ELAVL4: variants seen among roughly 807,000 people sequenced by gnomAD.
ELAVL4 encodes the protein ELAV-like protein 4.
A neutral mutation model predicts 35.6 loss-of-function variants in ELAVL4; 1 was observed. That is an observed-to-expected ratio of 0.03 (90% CI 0.01 to 0.13). ELAVL4 has a LOEUF of 0.13. ELAVL4 is among the 10% of genes least tolerant of loss of function. The pLI, the probability that ELAVL4 is intolerant of heterozygous loss-of-function variation, is 1.00. For missense variants in ELAVL4, 267 were observed against 464.9 expected, an observed-to-expected ratio of 0.57 and a Z score of 3.91; for synonymous variants, 156 against 171.0, an observed-to-expected ratio of 0.91 and a Z score of 0.69.
chr1:50,099,229 C>T (rs1665849223), upstream of ELAVL4, among the ~76,000 whole-genome samples: 1 of 152,104 alleles, frequency 6.6e-6, no homozygotes, highest in South Asian at 2.1e-4. Context: ...AAATAACGTA[C>T]AATTTCTGCC....
intron 1 of ELAVL4, among the ~76,000 whole-genome samples, chr1:50,116,997 T>G (rs1380155724): frequency 6.6e-6 from 1 of 152,160 alleles, no homozygotes; most frequent in Non-Finnish European, 1.5e-5. Context: ...GTTGTCCTCA[T>G]AGTAACCATT....
intron 1 of ELAVL4, among the ~76,000 whole-genome samples, chr1:50,082,452 TG>T (rs1665050275): frequency 6.6e-6 from 1 of 152,252 alleles, no homozygotes; most frequent in African/African-American, 2.4e-5. Context: ...TTCATATGTT[TG>T]TTGGCCACAT....
chr1:50,162,923 A>G (rs952357975), intron 2 of ELAVL4, among the ~76,000 whole-genome samples: 3 of 152,168 alleles, frequency 2.0e-5, no homozygotes, highest in Non-Finnish European at 2.9e-5. Flanking sequence ...CAGAGAGCAG[A>G]CACACTCAAA....
chr1:50,048,110 G>T, exon 1 of ELAVL4: 1 of 1,465,842 alleles, frequency 6.8e-7, no homozygotes. Context: ...CCCGCCCGCC[G>T]CGCTCCGCCC....
intron 2 of ELAVL4, among the ~76,000 whole-genome samples, chr1:50,155,318 C>T (rs1675543414): frequency 6.6e-6 from 1 of 151,908 alleles, no homozygotes. Context: ...CAAGTAGTTA[C>T]CAGAATCCCC....
rs60522222 is a variant in ELAVL4, at chr1:50,094,742, CAATAAATAAATA to C, written c.18+46588_18+46599del. Among the ~76,000 whole-genome samples the C allele has an allele frequency of 1.2e-3, 159 of 135,588 alleles. No individual in the cohort carries two copies. In the South Asian group the frequency reaches 0.013, roughly 11 times the overall value. The allele number at this position is 135,588 out of a possible 152,430, so 89.0% of individuals were successfully genotyped here. A position where few individuals can be genotyped will look rare whatever the true frequency, so the allele number is the denominator to read the frequency against. ...CCAACTTGGTGAAACCCTGTCTCTA[CAATAAATAAATA>C]AATAAATAAATAAATAAATAAATAA... On this transcript the variant is annotated intron_variant, in intron 1 of 6. Transcript: ENST00000448907.
intron 2 of ELAVL4, among the ~76,000 whole-genome samples, chr1:50,150,496 A>C (rs1674587136): frequency 6.6e-6 from 1 of 152,220 alleles, no homozygotes; most frequent in Non-Finnish European, 1.5e-5. Context: ...AGTGCTAACA[A>C]TCCTGAGCGT....
chr1:50,060,044 C>T (rs1199803778), intron 1 of ELAVL4, among the ~76,000 whole-genome samples: 1 of 152,086 alleles, frequency 6.6e-6, no homozygotes, highest in Non-Finnish European at 1.5e-5. Context: ...AAATGTGAAC[C>T]TACTAAATGC....
chr1:50,183,573 T>G (rs913498783), intron 3 of ELAVL4, among the ~76,000 whole-genome samples: 1 of 152,108 alleles, frequency 6.6e-6, no homozygotes, highest in African/African-American at 2.4e-5. Flanking sequence ...GCTTAACCAC[T>G]TCTCCATTTT....
At chr1:50,154,655 A>C (rs368144021) in intron 2 of ELAVL4, among the ~76,000 whole-genome samples, 1 of 152,090 alleles carries the variant, frequency 6.6e-6, no homozygotes, top group Non-Finnish European at 1.5e-5. Context: ...TTTTATACTC[A>C]GTACTTCCTT....
chr1:50,198,824 A>G (rs1045859767), intron 6 of ELAVL4, among the ~76,000 whole-genome samples: 3 of 152,168 alleles, frequency 2.0e-5, no homozygotes, highest in Non-Finnish European at 2.9e-5. Flanking sequence ...CTCTTTTCCT[A>G]TTGAACCCAG....
intron 3 of ELAVL4, among the ~76,000 whole-genome samples, chr1:50,183,779 C>A (rs189429362): frequency 5.3e-5 from 8 of 152,160 alleles, no homozygotes; most frequent in South Asian, 2.1e-4. Flanking sequence ...TCTTTGCATT[C>A]GGCATAAGCA....
chr1:50,127,774 C>G (rs760149983), intron 1 of ELAVL4, among the ~76,000 whole-genome samples: 1 of 152,082 alleles, frequency 6.6e-6, no homozygotes, highest in African/African-American at 2.4e-5. Flanking sequence ...CAAGGTCACA[C>G]AGCTAAACAG....
At chr1:50,104,752 G>A (rs1299714893), upstream of ELAVL4, among the ~76,000 whole-genome samples, 2 of 152,160 alleles carry the variant, frequency 1.3e-5, no homozygotes, top group Non-Finnish European at 2.9e-5. Flanking sequence ...CTTAAAATCA[G>A]GCCATATAAC....
chr1:50,151,598 A>C (rs1674799726), intron 2 of ELAVL4, among the ~76,000 whole-genome samples: 1 of 152,340 alleles, frequency 6.6e-6, no homozygotes, highest in South Asian at 2.1e-4. Context: ...ACTTTTCTAC[A>C]TGCACATAAG....
intron 3 of ELAVL4, chr1:50,180,773 G>A (rs1215375484): frequency 6.6e-6 from 1 of 152,176 alleles, no homozygotes; most frequent in Non-Finnish European, 1.5e-5. Flanking sequence ...GGCCAGCAGT[G>A]GAGCTCAAGT....
At chr1:50,050,840 C>A (rs1179410930) in intron 1 of ELAVL4, among the ~76,000 whole-genome samples, 1 of 152,080 alleles carries the variant, frequency 6.6e-6, no homozygotes, top group African/African-American at 2.4e-5. Flanking sequence ...CCTTTTCCTG[C>A]TTTCAATAAA....
intron 1 of ELAVL4, among the ~76,000 whole-genome samples, chr1:50,139,646 T>C (rs1460562885): frequency 6.6e-6 from 1 of 152,152 alleles, no homozygotes; most frequent in Non-Finnish European, 1.5e-5. Flanking sequence ...GAACTAGTGT[T>C]ACAGGTAACT....
chr1:50,193,003 C>T (rs764916242), intron 3 of ELAVL4, among the ~76,000 whole-genome samples: 4 of 152,126 alleles, frequency 2.6e-5, no homozygotes, highest in African/African-American at 4.8e-5. Context: ...CTTATTATAA[C>T]CATTGGTGAG....
Sources: gnomAD v4.1 joint callset for allele counts (sites outside exome capture counted in the v4.1 genomes callset) on GRCh38, gnomAD v4.1.1 for gene constraint, MANE v1.5 for transcripts, NCBI Gene and HGNC (gene_info 2026-07-23, HGNC 2026-07-21) for gene names.